TSPAN9: variants seen among roughly 807,000 people sequenced by gnomAD.
The protein encoded by TSPAN9 is tetraspanin 9.
TSPAN9 carries 16 observed loss-of-function variants against 31.0 expected under a neutral mutation model. The observed-to-expected ratio is 0.52, with a 90% confidence interval of 0.35 to 0.78. TSPAN9 has a LOEUF of 0.78. TSPAN9 is among the 30% of genes least tolerant of loss of function. The probability of loss-of-function intolerance (pLI) is 0.01; values close to 1 mark genes in which losing one functional copy is unlikely to be tolerated. For synonymous variants in TSPAN9, 145 were observed against 121.6 expected (o/e 1.19, Z -1.27); for missense variants, 272 against 312.5 (o/e 0.87, Z 0.98).
intron 2 of TSPAN9, among the ~76,000 whole-genome samples, chr12:3,113,508 T>C (rs1347545064): frequency 1.3e-5 from 2 of 152,324 alleles, no homozygotes; most frequent in East Asian, 3.9e-4. Context: ...TCCTGTACTA[T>C]ATTGGGTAAA....
chr12:3,224,007 T>C (rs143515394), intron 3 of TSPAN9, among the ~76,000 whole-genome samples: 198 of 152,276 alleles, frequency 1.3e-3, no homozygotes, highest in African/African-American at 4.6e-3. Flanking sequence ...GCAGCCAAGG[T>C]TGAAGCTGCT....
intron 2 of TSPAN9, among the ~76,000 whole-genome samples, chr12:3,121,702 G>A (rs939866090): frequency 1.3e-5 from 2 of 152,046 alleles, no homozygotes; most frequent in Non-Finnish European, 2.9e-5. Flanking sequence ...AAAGTTGGAA[G>A]GTCTAGTTAC....
At chr12:3,134,944 A>G (rs1299630247) in intron 2 of TSPAN9, among the ~76,000 whole-genome samples, 1 of 152,140 alleles carries the variant, frequency 6.6e-6, no homozygotes, top group Non-Finnish European at 1.5e-5. Context: ...AAGCATGGCA[A>G]ACGCAGGGGC....
In TSPAN9 at chr12:3,190,649, C is replaced by T. The variant is rs542018214; in HGVS notation, c.-17-10528C>T. On this transcript the variant is annotated intron_variant, in intron 2 of 8. Coordinates refer to ENST00000011898, the MANE Select transcript of TSPAN9 (RefSeq NM_006675.5). Reference sequence around the variant, plus strand: ...CTTTGTCCAGGCAGACTATCAGCCCCGTTCTTCTAGGGCCCAATCTCTGCT... The same window carrying T: ...CTTTGTCCAGGCAGACTATCAGCCCTGTTCTTCTAGGGCCCAATCTCTGCT... 3.3e-5 allele frequency among the ~76,000 whole-genome samples: 5 copies of T among 152,320 alleles called. No homozygotes were observed. In the East Asian group the frequency reaches 7.7e-4, roughly 24 times the overall value.
intron 3 of TSPAN9, among the ~76,000 whole-genome samples, chr12:3,205,205 C>G (rs915822177): frequency 6.6e-6 from 1 of 152,212 alleles, no homozygotes; most frequent in Non-Finnish European, 1.5e-5. Flanking sequence ...TGTCCCATCA[C>G]TTTAAATTAT....
rs2098361929 is a variant in TSPAN9 at position 3,187,311 on chromosome 12, G to T, written c.-17-13866G>T. Among the ~76,000 whole-genome samples the T allele has an allele frequency of 6.6e-6, 1 of 152,156 alleles. No homozygotes were observed. On this transcript the variant is annotated intron_variant, in intron 2 of 8. Transcript: ENST00000011898. The surrounding 1 kb of genome is among the most constrained non-coding windows in gnomAD (Gnocchi z 5.2). ...TGGTGTTGTGATGTGGGGCGTCTCT[G>T]CTTTTCCTAGCTGGGTAATCCTAAA...
chr12:3,125,682 C>G (rs1199582413), intron 2 of TSPAN9, among the ~76,000 whole-genome samples: 2 of 151,936 alleles, frequency 1.3e-5, no homozygotes, highest in Non-Finnish European at 2.9e-5. Flanking sequence ...TTTGCGACTC[C>G]TGCCTTAAAT....
intron 2 of TSPAN9, among the ~76,000 whole-genome samples, chr12:3,095,978 G>C (rs2098308474): frequency 1.3e-5 from 2 of 150,022 alleles, no homozygotes; most frequent in Admixed American, 1.3e-4. Flanking sequence ...GGGAGGCCAA[G>C]GCAGGCGGCT....
chr12:3,155,844 C>T (rs545455688), intron 2 of TSPAN9, among the ~76,000 whole-genome samples: 1 of 152,280 alleles, frequency 6.6e-6, no homozygotes, highest in South Asian at 2.1e-4. Flanking sequence ...GTTGCCAGGG[C>T]CCCCTCTTCC....
At chr12:3,083,429 G>A (rs543529607) in intron 1 of TSPAN9, among the ~76,000 whole-genome samples, 1 of 152,190 alleles carries the variant, frequency 6.6e-6, no homozygotes, top group Non-Finnish European at 1.5e-5. Context: ...CTTTTCTGCT[G>A]GGCCAGGGCT....
intron 3 of TSPAN9, among the ~76,000 whole-genome samples, chr12:3,261,895 G>A (rs1338024777): frequency 6.6e-6 from 1 of 152,190 alleles, no homozygotes; most frequent in Admixed American, 6.5e-5. Context: ...AGGATGCTCT[G>A]GCCTGGGTGG....
intron 2 of TSPAN9, among the ~76,000 whole-genome samples, chr12:3,152,163 C>T (rs2098340085): frequency 1.3e-5 from 2 of 152,170 alleles, no homozygotes; most frequent in South Asian, 2.1e-4. Context: ...GCAAGGAGGG[C>T]TTCCTGTTTT....
Position 3,198,821 on chromosome 12 carries a change from AC to A in TSPAN9, c.-17-2354del, listed in dbSNP as rs776713175. ...AGCACAGGTCACACCAGCACAGCTC[AC>A]CACCAGCACAGGTCACACCAGCACA... On this transcript the variant is annotated intron_variant, in intron 2 of 8. Transcript: ENST00000011898. 3.7e-3 allele frequency among the ~76,000 whole-genome samples: 69 copies of A among 18,462 alleles called. 2 individuals carry two copies. The highest frequency in any genetic ancestry group is 0.015 in the Admixed American group (13 of 882). The allele number at this position is 18,462 out of a possible 152,430, so 12.1% of individuals were successfully genotyped here. A position where few individuals can be genotyped will look rare whatever the true frequency, so the allele number is the denominator to read the frequency against.
At chr12:3,279,214 A>G in intron 5 of TSPAN9, 148 bp downstream of exon 5, 2 of 765,534 alleles carry the variant, frequency 2.6e-6, no homozygotes, top group Non-Finnish European at 4.3e-6. Flanking sequence ...GGGTTGGGAA[A>G]GCTACCAAGG....
intron 3 of TSPAN9, among the ~76,000 whole-genome samples, chr12:3,257,040 C>G (rs2153978668): frequency 6.6e-6 from 1 of 152,272 alleles, no homozygotes; most frequent in South Asian, 2.1e-4. Flanking sequence ...TCTTCTCATC[C>G]TGTCACCCTT....
At chr12:3,224,333 G>A (rs568207798) in intron 3 of TSPAN9, among the ~76,000 whole-genome samples, 3 of 152,356 alleles carry the variant, frequency 2.0e-5, no homozygotes, top group South Asian at 2.1e-4. Flanking sequence ...ACTGTGCTAG[G>A]CGCCCTCACG....
intron 2 of TSPAN9, among the ~76,000 whole-genome samples, chr12:3,178,291 C>CT (rs112883143): frequency 1.5e-3 from 223 of 144,050 alleles, no homozygotes; most frequent in Middle Eastern, 7.4e-3. Context: ...GTTTCTTTTT[C>CT]TTTTTTTTTT....
At chr12:3,120,118 A>G (rs1200996500) in intron 2 of TSPAN9, among the ~76,000 whole-genome samples, 1 of 152,208 alleles carries the variant, frequency 6.6e-6, no homozygotes, top group Non-Finnish European at 1.5e-5. Flanking sequence ...GCCTCTTTAA[A>G]ATGAAGGTTT....
chr12:3,088,891 T>C (rs10774113), intron 2 of TSPAN9, among the ~76,000 whole-genome samples: 150,756 of 151,870 alleles, frequency 0.99, 74,834 homozygotes, highest in Middle Eastern at 1. Flanking sequence ...GGGAGGCTGG[T>C]GGTGGGAGCC....
Sources: allele counts gnomAD v4.1 joint callset (sites outside exome capture counted in the v4.1 genomes callset), GRCh38; gene constraint gnomAD v4.1.1; non-coding constraint Gnocchi (gnomAD v3.1); transcripts MANE v1.5; gene names NCBI Gene and HGNC (gene_info 2026-07-23, HGNC 2026-07-21).